GDPD5: variants seen among roughly 807,000 people sequenced by gnomAD.
GDPD5 encodes the protein glycerophosphodiester phosphodiesterase 2.
A neutral mutation model predicts 75.1 loss-of-function variants in GDPD5; 48 were observed. The ratio of observed to expected loss-of-function variants is 0.64; its 90% CI spans 0.51 to 0.81. GDPD5 has a LOEUF of 0.81. GDPD5 is among the 40% of genes least tolerant of loss of function. GDPD5 has a pLI of 0.00. For missense variants in GDPD5, 706 were observed against 822.6 expected (o/e 0.86, Z 1.73); for synonymous variants, 336 against 339.0 (o/e 0.99, Z 0.10).
chr11:75,469,768 T>G (rs77409479), intron 3 of GDPD5, among the ~76,000 whole-genome samples: 3,067 of 152,252 alleles, frequency 0.02, 97 homozygotes, highest in African/African-American at 0.07. Context: ...CATTAGCATA[T>G]TAGTGGAAAA....
chr11:75,489,293 C>A (rs1460488894), intron 2 of GDPD5, among the ~76,000 whole-genome samples: 1 of 152,216 alleles, frequency 6.6e-6, no homozygotes, highest in Non-Finnish European at 1.5e-5. Context: ...AAATCTGGCA[C>A]AGGATACTAA....
Position 75,444,508 on chromosome 11 carries a change from G to A in GDPD5, c.715-13C>T. 1 of 1,602,192 alleles carries A rather than the reference G, an allele frequency of 6.2e-7. No individual in the cohort carries two copies. Among genetic ancestry groups the A allele is most frequent in the Admixed American group, 1.7e-5 (1 of 59,988 alleles). On this transcript the variant is annotated splice_polypyrimidine_tract_variant and intron_variant, in intron 9 of 16. Transcript: ENST00000336898. Reference sequence around the variant, plus strand: ...GCTCTGGAGCCAGCTGGGGAAGAAGGGGTGGTGAAGGGAGAGCCAAGATTC... The same window carrying A: ...GCTCTGGAGCCAGCTGGGGAAGAAGAGGTGGTGAAGGGAGAGCCAAGATTC...
Position 75,457,789 on chromosome 11 carries a change from G to T in GDPD5, c.222-3C>A. Reference sequence around the variant, plus strand: ...AGCCCATGCGGTTGTAGAGGTACCTGCCAGGAGGAGAGGGGGCAGGGGTCA... The same window carrying T: ...AGCCCATGCGGTTGTAGAGGTACCTTCCAGGAGGAGAGGGGGCAGGGGTCA... On this transcript the variant is annotated splice_polypyrimidine_tract_variant and splice_region_variant and intron_variant, in intron 4 of 16. Coordinates refer to ENST00000336898, the MANE Select transcript of GDPD5 (RefSeq NM_030792.8). 1 of 1,613,156 alleles carries T rather than the reference G, an allele frequency of 6.2e-7. No homozygotes were observed. Among genetic ancestry groups the T allele is most frequent in the Non-Finnish European group, 8.5e-7 (1 of 1,179,252 alleles).
Position 75,435,173 on chromosome 11 carries a change from C to T in GDPD5, c.*334G>A, listed in dbSNP as rs765530014. ...TGAGCATCCACACACTCCATTGCCA[C>T]AGGGGGTATGGCATGGCCCATGACC... On this transcript the variant is annotated 3_prime_UTR_variant, in exon 17 of 17. Transcript: ENST00000336898. 8.6e-5 allele frequency: 18 copies of T among 209,556 alleles called. 1 individual carries two copies. Among genetic ancestry groups the T allele is most frequent in the Non-Finnish European group, 1.7e-4 (18 of 105,322 alleles). 13.0% of individuals were successfully genotyped at this position (209,556 alleles called of 1,614,324 possible).
intron 1 of GDPD5, among the ~76,000 whole-genome samples, chr11:75,523,482 G>A (rs1941544539): frequency 6.6e-6 from 1 of 152,128 alleles, no homozygotes; most frequent in Non-Finnish European, 1.5e-5. Context: ...CCCCAGTCTT[G>A]GCAAGTACAA....
intron 3 of GDPD5, among the ~76,000 whole-genome samples, chr11:75,472,181 G>C (rs781138043): frequency 1.3e-5 from 2 of 152,018 alleles, no homozygotes; most frequent in Admixed American, 6.5e-5. Context: ...CCACAAGCAA[G>C]CTCAGGCCCA....
rs199893841 is a variant in GDPD5 at position 75,471,405 on chromosome 11, A to G, written c.117+6214T>C. Among the ~76,000 whole-genome samples the G allele has an allele frequency of 3.3e-5, 5 of 152,306 alleles. No homozygotes were observed. The East Asian group carries it at 9.7e-4, about 29-fold the overall frequency. The stretch of plus-strand genomic sequence containing the variant: ...GGCTGGATTTATTTTTCTGGACTAC[A>G]GAGAGCTGGGCAATCAGGCCTCTGT... On this transcript the variant is annotated intron_variant, in intron 3 of 16. Coordinates refer to ENST00000336898, the MANE Select transcript of GDPD5 (RefSeq NM_030792.8).
chr11:75,513,456 T>C (rs1014558694), intron 1 of GDPD5, among the ~76,000 whole-genome samples: 1 of 152,184 alleles, frequency 6.6e-6, no homozygotes, highest in Non-Finnish European at 1.5e-5. Flanking sequence ...CCGGTGTGTC[T>C]GATTCCAGAG....
chr11:75,514,983 T>TTACC (rs1236940710), intron 1 of GDPD5, among the ~76,000 whole-genome samples: 1 of 152,206 alleles, frequency 6.6e-6, no homozygotes, highest in East Asian at 1.9e-4. Context: ...GCTAAGTGAC[T>TTACC]TGCCCATGTC....
At chr11:75,457,921 C>A in intron 4 of GDPD5, 135 bp from the exon 5 acceptor site, 2 of 637,624 alleles carry the variant, frequency 3.1e-6, no homozygotes, top group South Asian at 3.8e-5. Context: ...AGCAATAAGG[C>A]TCAGCGTCTG....
intron 6 of GDPD5, among the ~76,000 whole-genome samples, chr11:75,454,465 TAC>T (rs572453532): frequency 2.5e-4 from 38 of 152,204 alleles, no homozygotes; most frequent in Admixed American, 5.9e-4. Context: ...ATGATGAAAG[TAC>T]ACATTCTTCA....
chr11:75,499,985 C>G (rs1240680985), intron 1 of GDPD5, among the ~76,000 whole-genome samples: 2 of 152,194 alleles, frequency 1.3e-5, no homozygotes, highest in Non-Finnish European at 2.9e-5. Flanking sequence ...GCTGCTACCA[C>G]CATACCCTGC....
In GDPD5 at chr11:75,442,596, G is replaced by A. The variant is rs749543050; in HGVS notation, c.949-15C>T. ...AAGGGGTCAGTCTGGCAGGGACAGGGACACACACATGGCTGCATCATCAGC... is the reference window on the plus strand; with the variant it reads ...AAGGGGTCAGTCTGGCAGGGACAGGAACACACACATGGCTGCATCATCAGC... On this transcript the variant is annotated splice_polypyrimidine_tract_variant and intron_variant, in intron 11 of 16. Coordinates refer to ENST00000336898, the MANE Select transcript of GDPD5 (RefSeq NM_030792.8). The A allele has an allele frequency of 2.5e-6, 4 of 1,612,196 alleles. No homozygotes were observed. In the East Asian group the frequency reaches 8.9e-5, roughly 36 times the overall value.
At chr11:75,483,314 T>C (rs1565206722) in intron 2 of GDPD5, among the ~76,000 whole-genome samples, 2 of 152,158 alleles carry the variant, frequency 1.3e-5, no homozygotes, top group African/African-American at 4.8e-5. Flanking sequence ...AGCCTCCTGC[T>C]TGCACAGGGA....
chr11:75,448,402 A>C (rs1949042551), intron 9 of GDPD5: 1 of 859,620 alleles, frequency 1.2e-6, no homozygotes, highest in African/African-American at 1.8e-5. Context: ...CCAGGCAAAG[A>C]GATGGAAACT....
chr11:75,493,472 G>A (rs1372541700), intron 1 of GDPD5, among the ~76,000 whole-genome samples: 1 of 151,892 alleles, frequency 6.6e-6, no homozygotes, highest in African/African-American at 2.4e-5. Flanking sequence ...GCAAATCATG[G>A]CAGACTACAG....
In GDPD5 at chr11:75,435,641, C is replaced by A. The variant is rs376398826; in HGVS notation, c.1684G>T (p.Val562Leu). The change falls in exon 17 of 17, where the codon GTA (valine) becomes TTA (leucine). Residue 562 changes from valine (V) to leucine (L), a missense_variant. Val to Leu is a conservative substitution (Grantham distance 32). Coordinates refer to ENST00000336898, the MANE Select transcript of GDPD5 (RefSeq NM_030792.8). ...KLIFSEISDG[V>L]EVSDVLSVCS... ...ACGGAGAGCACATCGGAGACCTCTA[C>A]ACCATCGCTGATCTCTGCTGGGCCA... 1 of 1,610,862 alleles carries A rather than the reference C, an allele frequency of 6.2e-7. No homozygotes were observed. Among genetic ancestry groups the A allele is most frequent in the East Asian group, 2.2e-5 (1 of 44,820 alleles).
At chr11:75,468,070 C>T (rs1037862532) in intron 3 of GDPD5, among the ~76,000 whole-genome samples, 17 of 152,256 alleles carry the variant, frequency 1.1e-4, no homozygotes, top group South Asian at 8.3e-4. Context: ...TGGGCATGGC[C>T]GCTGGGGTGG....
rs371504591 is a variant in GDPD5, at chr11:75,439,953, G to A, written c.1482C>T (p.Asp494=). Residue 494 remains aspartate (D), a synonymous_variant, in exon 15 of 17, where the codon GAC becomes GAT. Coordinates refer to ENST00000336898, the MANE Select transcript of GDPD5 (RefSeq NM_030792.8). The part of the protein sequence containing the change: ...VPSPLWIMPP[D]EYCLMWVTAD... ...CAGTGACCCACATGAGACAGTACTCGTCCGGGGGCTGTGGACAGACGGCCC... is the reference window on the plus strand; with the variant it reads ...CAGTGACCCACATGAGACAGTACTCATCCGGGGGCTGTGGACAGACGGCCC... 4.0e-5 allele frequency: 64 copies of A among 1,613,212 alleles called. No individual in the cohort carries two copies. In the Middle Eastern group the frequency reaches 4.9e-4, roughly 12 times the overall value.
Sources: allele counts gnomAD v4.1 joint callset (sites outside exome capture counted in the v4.1 genomes callset), GRCh38; gene constraint gnomAD v4.1.1; transcripts MANE v1.5; gene names NCBI Gene and HGNC (gene_info 2026-07-23, HGNC 2026-07-21).